Variants in NRG1 observed in about 807,000 individuals in gnomAD.
NRG1 encodes neuregulin 1, also known as pro-neuregulin-1, membrane-bound isoform.
NRG1 carries 18 observed loss-of-function variants against 63.8 expected under a neutral mutation model. The ratio of observed to expected loss-of-function variants is 0.28; its 90% CI spans 0.19 to 0.42. The LOEUF is 0.42. NRG1 is among the 10% of genes least tolerant of loss of function. NRG1 has a pLI of 1.00. For missense variants in NRG1, 762 were observed against 814.7 expected (o/e 0.94, Z 0.79); for synonymous variants, 302 against 301.3 (o/e 1.00, Z -0.02).
At position 32,035,444 on chromosome 8, in the gene NRG1, T is replaced by C. The variant is rs1030044565; in HGVS notation, c.37+396013T>C. ...GTTTTGGGGTGGAGAGTTCTATCGATATCTATCAAGTCCACTTGATCCAGA... is the reference window on the plus strand; with the variant it reads ...GTTTTGGGGTGGAGAGTTCTATCGACATCTATCAAGTCCACTTGATCCAGA... On this transcript the variant is annotated intron_variant, in intron 1 of 10. Coordinates refer to the NRG1 transcript ENST00000519301. Among the ~76,000 whole-genome samples the C allele has an allele frequency of 9.9e-5, 15 of 152,176 alleles. No individual in the cohort carries two copies. The East Asian group carries it at 2.9e-3, about 29-fold the overall frequency.
At chr8:31,708,694 C>G (rs1016902935) in intron 1 of NRG1, among the ~76,000 whole-genome samples, 1 of 152,056 alleles carries the variant, frequency 6.6e-6, no homozygotes, top group African/African-American at 2.4e-5. Flanking sequence ...ATCCGCCCGC[C>G]TCGGCCTCCC....
intron 1 of NRG1, among the ~76,000 whole-genome samples, chr8:32,141,157 G>C (rs1314006152): frequency 6.6e-6 from 1 of 152,120 alleles, no homozygotes; most frequent in African/African-American, 2.4e-5. Context: ...ATATGTAGTA[G>C]TGGATTGTCT....
intron 5 of NRG1, among the ~76,000 whole-genome samples, chr8:32,705,189 G>A (rs1177278501): frequency 6.7e-6 from 1 of 149,090 alleles, no homozygotes; most frequent in African/African-American, 2.5e-5. Context: ...CTGGAGTGCA[G>A]TGGCGAGATC....
At chr8:32,006,364 AC>A (rs1438650475) in intron 1 of NRG1, among the ~76,000 whole-genome samples, 2 of 152,012 alleles carry the variant, frequency 1.3e-5, no homozygotes, top group Non-Finnish European at 2.9e-5. Context: ...TTCCAGAAAT[AC>A]CCCACCACCC....
chr8:32,319,384 G>T (rs1801119711), intron 1 of NRG1, among the ~76,000 whole-genome samples: 1 of 152,092 alleles, frequency 6.6e-6, no homozygotes, highest in Non-Finnish European at 1.5e-5. Flanking sequence ...AATCATTCTT[G>T]GGATGCAGAA....
chr8:32,061,195 A>T (rs1168137046), intron 1 of NRG1, among the ~76,000 whole-genome samples: 1 of 152,004 alleles, frequency 6.6e-6, no homozygotes, highest in Non-Finnish European at 1.5e-5. Flanking sequence ...TACCTAGAGC[A>T]TCACAAAATC....
chr8:31,817,868 C>A (rs1337429829), intron 1 of NRG1, among the ~76,000 whole-genome samples: 1 of 152,146 alleles, frequency 6.6e-6, no homozygotes, highest in East Asian at 1.9e-4. Flanking sequence ...TTGAATTATA[C>A]CTCTTATTTT....
Position 31,688,359 on chromosome 8 carries a change from C to T in NRG1, c.37+48928C>T, listed in dbSNP as rs932481134. On this transcript the variant is annotated intron_variant, in intron 1 of 10. Transcript: ENST00000519301. ...GCTTGTTTGTCCCTTCCAGGACATG[C>T]GAAACGCAGTGAGAAGGAACCATCT... Among the ~76,000 whole-genome samples, 5 of 152,228 alleles carry T rather than the reference C, an allele frequency of 3.3e-5. No individual in the cohort carries two copies. In the East Asian group the frequency reaches 7.8e-4, roughly 24 times the overall value.
At chr8:32,248,712 A>G (rs1848814012) in intron 1 of NRG1, among the ~76,000 whole-genome samples, 1 of 152,038 alleles carries the variant, frequency 6.6e-6, no homozygotes, top group Non-Finnish European at 1.5e-5. Context: ...TTTATTTTCT[A>G]TTGTATTAAA....
At chr8:31,984,627 G>A (rs910339901) in intron 1 of NRG1, among the ~76,000 whole-genome samples, 1 of 152,084 alleles carries the variant, frequency 6.6e-6, no homozygotes, top group South Asian at 2.1e-4. Context: ...GCTGCATGAT[G>A]CCTGTGCCCT....
intron 1 of NRG1, among the ~76,000 whole-genome samples, chr8:31,859,330 G>T (rs1227056917): frequency 6.6e-6 from 1 of 152,062 alleles, no homozygotes; most frequent in Non-Finnish European, 1.5e-5. Context: ...ATAACTCCTG[G>T]TTCCATCATA....
At chr8:32,104,730 A>T (rs946527662) in intron 1 of NRG1, among the ~76,000 whole-genome samples, 5 of 152,150 alleles carry the variant, frequency 3.3e-5, no homozygotes, top group Admixed American at 2.0e-4. Flanking sequence ...AAACACACAC[A>T]TTAGCCTAGG....
At chr8:32,735,351 C>T (rs184328067) in intron 6 of NRG1, among the ~76,000 whole-genome samples, 95 of 152,100 alleles carry the variant, frequency 6.2e-4, no homozygotes, top group African/African-American at 2.2e-3. Flanking sequence ...AATTATTCAA[C>T]GTTGTATTCA....
At chr8:32,391,137 G>T (rs1451219576) in intron 1 of NRG1, among the ~76,000 whole-genome samples, 1 of 151,710 alleles carries the variant, frequency 6.6e-6, no homozygotes, top group East Asian at 1.9e-4. Flanking sequence ...TGGGGGGAGG[G>T]GGGCTGGTGG....
intron 1 of NRG1, among the ~76,000 whole-genome samples, chr8:31,971,479 C>A (rs1488863138): frequency 6.6e-6 from 1 of 151,868 alleles, no homozygotes; most frequent in African/African-American, 2.4e-5. Context: ...GAATGTCTTT[C>A]AGATTTATAA....
chr8:32,487,583 C>T (rs1321544395), intron 1 of NRG1, among the ~76,000 whole-genome samples: 1 of 152,072 alleles, frequency 6.6e-6, no homozygotes, highest in East Asian at 1.9e-4. Flanking sequence ...TTTTAGAAAT[C>T]CAAGAGCAAA....
chr8:32,680,119 TA>T (rs1444950002), intron 5 of NRG1, among the ~76,000 whole-genome samples: 2 of 152,330 alleles, frequency 1.3e-5, no homozygotes, highest in African/African-American at 4.8e-5. Flanking sequence ...CTAACATAAT[TA>T]CCATGTCCTC....
chr8:32,173,359 A>G (rs1840296573), intron 1 of NRG1, among the ~76,000 whole-genome samples: 2 of 152,350 alleles, frequency 1.3e-5, no homozygotes, highest in South Asian at 2.1e-4. Context: ...ATGGAAAGGA[A>G]CAACCAGTAC....
chr8:32,544,705 T>G (rs10105389), upstream of NRG1, among the ~76,000 whole-genome samples: 1 of 136,000 alleles, frequency 7.4e-6, no homozygotes. Context: ...TTTTTTTTTG[T>G]AGAGACAGGA....
Sources: gnomAD v4.1 joint callset for allele counts (sites outside exome capture counted in the v4.1 genomes callset) on GRCh38, gnomAD v4.1.1 for gene constraint, MANE v1.5 for transcripts, NCBI Gene and HGNC (gene_info 2026-07-23, HGNC 2026-07-21) for gene names.